Variants in FGF13 observed in about 807,000 individuals in gnomAD.
FGF13 encodes the protein fibroblast growth factor 13, also known as fibroblast growth factor homologous factor 2.
In FGF13, 2 loss-of-function variants were observed where a neutral mutation model predicts 19.5. That is an observed-to-expected ratio of 0.10 (90% CI 0.04 to 0.32). The LOEUF (loss-of-function observed/expected upper bound fraction) is 0.32. Ranked by LOEUF, FGF13 falls within the 10% of genes least tolerant of loss-of-function variation. FGF13 has a pLI of 1.00. For missense variants in FGF13, 113 were observed against 192.7 expected (o/e 0.59, Z 2.45); for synonymous variants, 72 against 76.9 (o/e 0.94, Z 0.33).
chrX:138,901,257 T>C (rs1416909451), intron 1 of FGF13, among the ~76,000 whole-genome samples: 1 of 111,731 alleles, frequency 9.0e-6, no homozygotes, highest in Non-Finnish European at 1.9e-5. Context: ...CTCTTTCCTC[T>C]CCAGTTTCAG....
chrX:138,714,743 C>T (rs184952127), upstream of FGF13: 4 of 111,818 alleles, frequency 3.6e-5, no homozygotes, highest in East Asian at 8.5e-4. Flanking sequence ...ATTTCAGAGA[C>T]GAATGTGAAT....
chrX:138,943,914 G>T (rs1187935171), intron 1 of FGF13, among the ~76,000 whole-genome samples: 1 of 111,676 alleles, frequency 9.0e-6, no homozygotes, highest in Non-Finnish European at 1.9e-5. Flanking sequence ...TTCATGAAAA[G>T]GAAAGCAAAG....
intron 1 of FGF13, among the ~76,000 whole-genome samples, chrX:139,061,010 T>C (rs2092334492): frequency 9.0e-6 from 1 of 111,603 alleles, no homozygotes; most frequent in Non-Finnish European, 1.9e-5. Flanking sequence ...ATTTTAGATA[T>C]AGTTTCATAT....
chrX:139,015,226 C>T (rs369001886), intron 1 of FGF13, among the ~76,000 whole-genome samples: 4 of 110,532 alleles, frequency 3.6e-5, no homozygotes, highest in Non-Finnish European at 7.6e-5. Flanking sequence ...AGCAATCAGA[C>T]GAGAGAAAGA....
intron 3 of FGF13, among the ~76,000 whole-genome samples, chrX:138,794,697 A>T (rs982874200): frequency 9.0e-6 from 1 of 111,644 alleles, no homozygotes; most frequent in Non-Finnish European, 1.9e-5. Context: ...ATCGTCCCAA[A>T]GGTAATAATT....
intron 3 of FGF13, among the ~76,000 whole-genome samples, chrX:138,838,925 A>G (rs2091131025): frequency 8.9e-6 from 1 of 111,832 alleles, no homozygotes; most frequent in African/African-American, 3.2e-5. Context: ...TGTGAGAAAT[A>G]CATGAATTTT....
At chrX:138,730,361 C>T (rs2124288242) in intron 1 of FGF13, among the ~76,000 whole-genome samples, 1 of 110,702 alleles carries the variant, frequency 9.0e-6, no homozygotes, top group South Asian at 3.7e-4. Context: ...ATAATGTGTG[C>T]ATGTATATAG....
intron 1 of FGF13, among the ~76,000 whole-genome samples, chrX:139,034,853 T>C (rs62602202): frequency 0.12 from 13,419 of 111,487 alleles, 626 homozygotes; most frequent in South Asian, 0.19. Context: ...TCCAAAGCTA[T>C]TGGTAATAAT....
intron 3 of FGF13, among the ~76,000 whole-genome samples, chrX:138,672,268 G>A (rs35207079): frequency 0.32 from 35,694 of 110,422 alleles, 4,451 homozygotes; most frequent in East Asian, 0.63. Context: ...GGATAACTGT[G>A]GAGCACAAAG....
At chrX:139,079,035 A>G (rs2083351772) in intron 1 of FGF13, among the ~76,000 whole-genome samples, 1 of 112,388 alleles carries the variant, frequency 8.9e-6, no homozygotes, top group African/African-American at 3.2e-5. Flanking sequence ...AAGCATAGCT[A>G]ATTTGCTGCT....
chrX:138,804,027 G>A (rs2090848520), intron 3 of FGF13, among the ~76,000 whole-genome samples: 1 of 112,146 alleles, frequency 8.9e-6, no homozygotes, highest in South Asian at 3.8e-4. Context: ...CTTTGGTGCA[G>A]TCTGTGCCAT....
chrX:138,814,120 T>C (rs1270075622), intron 3 of FGF13, among the ~76,000 whole-genome samples: 2 of 110,870 alleles, frequency 1.8e-5, no homozygotes, highest in Non-Finnish European at 3.8e-5. Context: ...ACATTTCTTG[T>C]TTTTTGATAG....
intron 3 of FGF13, among the ~76,000 whole-genome samples, chrX:138,815,035 G>A (rs547335812): frequency 8.4e-4 from 94 of 111,315 alleles, no homozygotes; most frequent in Middle Eastern, 4.7e-3. Context: ...CCTGTCATTT[G>A]CAGCAACATG....
At chrX:138,720,562 A>G (rs1238741095) in intron 1 of FGF13, among the ~76,000 whole-genome samples, 2 of 111,996 alleles carry the variant, frequency 1.8e-5, no homozygotes, top group Non-Finnish European at 3.8e-5. Flanking sequence ...AGAAGTAAAT[A>G]GTTAACTAAA....
At chrX:139,150,531 C>A (rs1368421628) in intron 1 of FGF13, among the ~76,000 whole-genome samples, 2 of 111,642 alleles carry the variant, frequency 1.8e-5, no homozygotes, top group Admixed American at 1.9e-4. Context: ...GCTTGGGATT[C>A]TTTTCAAATA....
Position 138,869,048 on chromosome X carries a change from C to T in FGF13, c.-112-4398G>A, listed in dbSNP as rs147934509. Among the ~76,000 whole-genome samples, 261 of 111,488 alleles carry T rather than the reference C, an allele frequency of 2.3e-3. 2 individuals carry two copies. Among genetic ancestry groups the T allele is most frequent in the African/African-American group, 8.0e-3 (247 of 30,717 alleles). On this transcript the variant is annotated intron_variant, in intron 1 of 2. Coordinates refer to the FGF13 transcript ENST00000421460. Reference sequence around the variant, plus strand: ...CATGTGCACCTCCATCTTTCCATAACCACCCCCCAAAAGTATCTAAGTAGC... The same window carrying T: ...CATGTGCACCTCCATCTTTCCATAATCACCCCCCAAAAGTATCTAAGTAGC...
chrX:138,849,247 A>T (rs1395447489), intron 3 of FGF13, among the ~76,000 whole-genome samples: 1 of 111,705 alleles, frequency 9.0e-6, no homozygotes, highest in African/African-American at 3.2e-5. Flanking sequence ...CAGCTTCCTA[A>T]TCTGCAAGAC....
intron 3 of FGF13, among the ~76,000 whole-genome samples, chrX:138,650,411 G>A (rs188904928): frequency 8.1e-5 from 9 of 111,710 alleles, no homozygotes; most frequent in African/African-American, 2.6e-4. Context: ...CCTAAAACCA[G>A]ATCTTTCAGA....
chrX:139,048,425 C>T (rs2092294464), intron 1 of FGF13, among the ~76,000 whole-genome samples: 1 of 111,076 alleles, frequency 9.0e-6, no homozygotes, highest in African/African-American at 3.3e-5. Context: ...ATTCCCTTAA[C>T]AATTGCAGCA....
Sources: gnomAD v4.1 joint callset for allele counts (sites outside exome capture counted in the v4.1 genomes callset) on GRCh38, gnomAD v4.1.1 for gene constraint, MANE v1.5 for transcripts, NCBI Gene and HGNC (gene_info 2026-07-23, HGNC 2026-07-21) for gene names.